PPP1R21: variants seen among roughly 807,000 people sequenced by gnomAD.
The protein encoded by PPP1R21 is KLRAQ motif containing 1.
A neutral mutation model predicts 112.8 loss-of-function variants in PPP1R21; 85 were observed. That is an observed-to-expected ratio of 0.75 (90% CI 0.63 to 0.90). The LOEUF (loss-of-function observed/expected upper bound fraction) is 0.90. PPP1R21 is among the 40% of genes least tolerant of loss of function. The pLI, the probability that PPP1R21 is intolerant of heterozygous loss-of-function variation, is 0.00. For missense variants in PPP1R21, 1,199 were observed against 901.5 expected (o/e 1.33, Z -4.23); for synonymous variants, 381 against 322.3 (o/e 1.18, Z -1.95).
At chr2:48,461,502 A>G (rs1333996858) in intron 7 of PPP1R21, among the ~76,000 whole-genome samples, 1 of 152,222 alleles carries the variant, frequency 6.6e-6, no homozygotes, top group Non-Finnish European at 1.5e-5. Flanking sequence ...CAAGATAAAA[A>G]ACAACCTGCA....
chr2:48,478,466 G>A (rs1385615485), intron 12 of PPP1R21, among the ~76,000 whole-genome samples: 1 of 152,150 alleles, frequency 6.6e-6, no homozygotes, highest in Non-Finnish European at 1.5e-5. Flanking sequence ...CTGAGATGAC[G>A]ATGGTGGCAG....
At chr2:48,465,431 TA>T (rs1437337459) in intron 8 of PPP1R21, 61 bp from the exon 9 acceptor site, 3 of 1,469,318 alleles carry the variant, frequency 2.0e-6, no homozygotes, top group Non-Finnish European at 2.8e-6. Context: ...TCAGACTCAA[TA>T]AAGTTCTTTT....
Position 48,464,975 on chromosome 2 carries a change from A to T in PPP1R21, c.733A>T (p.Asn245Tyr). Residue 245 changes from asparagine to tyrosine, a missense_variant, in exon 8 of 22, where the codon AAT becomes TAT. By Grantham distance (143) the Asn-to-Tyr change is moderately radical. Coordinates refer to ENST00000294952, the MANE Select transcript of PPP1R21 (RefSeq NM_001135629.3). ...QYNALNVPLHNRRHQLKMRDI... is the reference protein window; with the variant it reads ...QYNALNVPLHYRRHQLKMRDI... The stretch of plus-strand genomic sequence containing the variant: ...CAACGCTCTGAACGTTCCACTCCAC[A>T]ATAGGAGACACCAGGTAAAGGATGA... 1 of 1,558,748 alleles carries T rather than the reference A, an allele frequency of 6.4e-7. No homozygotes were observed. The highest frequency in any genetic ancestry group is 8.6e-7 in the Non-Finnish European group (1 of 1,162,758).
intron 3 of PPP1R21, among the ~76,000 whole-genome samples, chr2:48,456,108 T>G (rs1159076371): frequency 2.0e-5 from 3 of 152,094 alleles, no homozygotes. Flanking sequence ...GCATTTATTC[T>G]TACGAGGCCA....
chr2:48,504,950 C>T (rs1325198417), intron 17 of PPP1R21, among the ~76,000 whole-genome samples: 2 of 151,876 alleles, frequency 1.3e-5, no homozygotes. Flanking sequence ...GCTATGATTG[C>T]ACCAATGTAA....
chr2:48,470,539 T>G (rs1015714417), intron 9 of PPP1R21, among the ~76,000 whole-genome samples: 1 of 151,520 alleles, frequency 6.6e-6, no homozygotes, highest in Non-Finnish European at 1.5e-5. Context: ...AAAAAAAGGT[T>G]TCTGTATCCT....
intron 7 of PPP1R21, among the ~76,000 whole-genome samples, chr2:48,461,591 C>T (rs1667982380): frequency 6.6e-6 from 1 of 152,084 alleles, no homozygotes; most frequent in South Asian, 2.1e-4. Context: ...GGAGTTAAAT[C>T]ATCTTAAAAT....
intron 19 of PPP1R21, among the ~76,000 whole-genome samples, chr2:48,508,337 T>G (rs1670481196): frequency 6.6e-6 from 1 of 152,176 alleles, no homozygotes; most frequent in African/African-American, 2.4e-5. Context: ...AAAGGAAAGA[T>G]AAACCCTTTA....
chr2:48,462,906 C>A (rs1036371134), intron 7 of PPP1R21, among the ~76,000 whole-genome samples: 1 of 152,000 alleles, frequency 6.6e-6, no homozygotes, highest in South Asian at 2.1e-4. Flanking sequence ...TGTGGAAGAT[C>A]TTGTGGAAGG....
chr2:48,497,070 A>G (rs72822244), intron 16 of PPP1R21, among the ~76,000 whole-genome samples: 17,227 of 152,242 alleles, frequency 0.11, 1,092 homozygotes, highest in Middle Eastern at 0.2. Context: ...GGGAACCTCA[A>G]TTTAAAGCCG....
At chr2:48,479,396 G>C (rs1051827731) in intron 12 of PPP1R21, 1 of 445,062 alleles carries the variant, frequency 2.2e-6, no homozygotes, top group African/African-American at 2.0e-5. Context: ...AGTTGTTACA[G>C]ATTTTCTTGA....
chr2:48,446,630 T>C (rs1033625167), intron 1 of PPP1R21, among the ~76,000 whole-genome samples: 1 of 152,150 alleles, frequency 6.6e-6, no homozygotes, highest in African/African-American at 2.4e-5. Flanking sequence ...AACTAAAAAT[T>C]TATTGAGTTC....
In PPP1R21 at chr2:48,462,887, T is replaced by C. The variant is rs543617207; in HGVS notation, c.694+1655T>C. 3.0e-4 allele frequency among the ~76,000 whole-genome samples: 46 copies of C among 152,126 alleles called. 1 individual carries two copies. Among genetic ancestry groups the C allele is most frequent in the African/African-American group, 1.0e-3 (42 of 41,504 alleles). The stretch of plus-strand genomic sequence containing the variant: ...TACTATTGTGGAGGCTTAGCCTGGA[T>C]TGGGGAGATGTGGAAGATCTTGTGG... On this transcript the variant is annotated intron_variant, in intron 7 of 21. Transcript: ENST00000294952.
chr2:48,473,804 C>G (rs1180751150), intron 11 of PPP1R21, among the ~76,000 whole-genome samples: 2 of 151,958 alleles, frequency 1.3e-5, no homozygotes, highest in African/African-American at 2.4e-5. Context: ...TAAGACACTA[C>G]ATTTTTTAAA....
intron 3 of PPP1R21, among the ~76,000 whole-genome samples, chr2:48,456,604 T>G (rs868721937): frequency 6.6e-6 from 1 of 152,248 alleles, no homozygotes; most frequent in Non-Finnish European, 1.5e-5. Flanking sequence ...ATATTTCCCA[T>G]GTAATGGGTA....
intron 17 of PPP1R21, among the ~76,000 whole-genome samples, chr2:48,501,086 G>A (rs536933963): frequency 2.8e-4 from 43 of 152,284 alleles, no homozygotes; most frequent in African/African-American, 1.0e-3. Flanking sequence ...TGCCTCTGAT[G>A]GGACAAGATG....
intron 17 of PPP1R21, among the ~76,000 whole-genome samples, chr2:48,500,152 A>C (rs1455952183): frequency 6.6e-6 from 1 of 152,208 alleles, no homozygotes; most frequent in African/African-American, 2.4e-5. Flanking sequence ...TATTGCATCT[A>C]AACAGTGTCA....
chr2:48,459,915 A>G lies in PPP1R21; in HGVS notation c.537A>G (p.Leu179=). Residue 179 remains leucine (L), a synonymous_variant, in exon 5 of 22, where the codon CTA becomes CTG. Coordinates refer to ENST00000294952, the MANE Select transcript of PPP1R21 (RefSeq NM_001135629.3). ...IEKLQNDKAK[L]EVKSQTLEKE... The stretch of plus-strand genomic sequence containing the variant: ...AGCTGCAGAACGACAAGGCTAAACT[A>G]GAAGTAAGCCCCATTGTGAGAGCAC... 2 of 1,613,356 alleles carry G rather than the reference A, an allele frequency of 1.2e-6. No homozygotes were observed. The highest frequency in any genetic ancestry group is 1.7e-6 in the Non-Finnish European group (2 of 1,179,698).
chr2:48,449,258 A>G lies in PPP1R21; in HGVS notation c.58-1750A>G, dbSNP rs13402261. Among the ~76,000 whole-genome samples the G allele has an allele frequency of 5.6e-3, 860 of 152,318 alleles. 14 individuals are homozygous for G. Among genetic ancestry groups the G allele is most frequent in the African/African-American group, 0.02 (817 of 41,566 alleles). On this transcript the variant is annotated intron_variant, in intron 1 of 21. Transcript: ENST00000294952. ...TGTTTCCATTTGTGGAGCATTTTAT[A>G]GTTTAGAAAGTGCTTTGACATAGGT... is the stretch of plus-strand genomic sequence containing the variant.
Sources: gnomAD v4.1 joint callset for allele counts (sites outside exome capture counted in the v4.1 genomes callset) on GRCh38, gnomAD v4.1.1 for gene constraint, MANE v1.5 for transcripts, NCBI Gene and HGNC (gene_info 2026-07-23, HGNC 2026-07-21) for gene names.